TOX4: variants seen among roughly 807,000 people sequenced by gnomAD.
The protein encoded by TOX4 is TOX high mobility group box family member 4, also known as epidermal Langerhans cell protein LCP1.
A neutral mutation model predicts 61.0 loss-of-function variants in TOX4; 12 were observed. That is an observed-to-expected ratio of 0.20 (90% CI 0.13 to 0.32). The LOEUF (loss-of-function observed/expected upper bound fraction) is 0.32, where lower values mean the gene tolerates loss of function less well. Among genes scored for constraint, TOX4 ranks in the 10% least tolerant of loss-of-function variants. TOX4 has a pLI of 1.00. For synonymous variants in TOX4, 268 were observed against 274.8 expected (o/e 0.98, Z 0.24); for missense variants, 499 against 753.3 (o/e 0.66, Z 3.95).
intron 5 of TOX4, among the ~76,000 whole-genome samples, chr14:21,490,506 T>A (rs148723993): frequency 6.6e-6 from 1 of 152,132 alleles, no homozygotes; most frequent in Non-Finnish European, 1.5e-5. Context: ...ACAGAAGTAC[T>A]GCATCTTTAC....
Position 21,480,109 on chromosome 14 carries a change from A to G in TOX4, c.75+2545A>G, listed in dbSNP as rs538996136. Among the ~76,000 whole-genome samples, 9 of 152,332 alleles carry G rather than the reference A, an allele frequency of 5.9e-5. 1 individual carries two copies. In the East Asian group the frequency reaches 1.7e-3, roughly 29 times the overall value. ...TGGCCTCCCAAAGTACTAGTATTGT[A>G]GGTGTGAGCCACCATGCCAGGACAG... On this transcript the variant is annotated intron_variant, in intron 2 of 8. Coordinates refer to ENST00000448790, the MANE Select transcript of TOX4 (RefSeq NM_014828.4).
intron 5 of TOX4, among the ~76,000 whole-genome samples, chr14:21,491,910 C>CT (rs1373912216): frequency 5.9e-5 from 9 of 151,680 alleles, no homozygotes; most frequent in Non-Finnish European, 1.3e-4. Flanking sequence ...ACTCAGGAGG[C>CT]TGAAGCAGGA....
intron 2 of TOX4, among the ~76,000 whole-genome samples, chr14:21,478,005 C>T (rs1229139354): frequency 6.6e-6 from 1 of 152,154 alleles, no homozygotes; most frequent in African/African-American, 2.4e-5. Context: ...GGTGCGATCT[C>T]GGCTCACTGC....
At position 21,488,831 on chromosome 14, in the gene TOX4, G is replaced by A; in HGVS notation, c.560G>A (p.Gly187Asp). Residue 187 changes from glycine to aspartate, a missense_variant, in exon 4 of 9, where the codon GGT (glycine) becomes GAT (aspartate). By Grantham distance (94) the Gly-to-Asp change is moderately conservative. Around this residue, in one of 7 missense-constraint regions of TOX4, gnomAD observed 61 missense variants for 76.1 expected, o/e 0.80. Coordinates refer to ENST00000448790, the MANE Select transcript of TOX4 (RefSeq NM_014828.4). ...PSPTSSLHED[G>D]VEDFRRQLPS... Reference sequence around the variant, plus strand: ...CCTACTAGTTCACTTCACGAGGATGGTGTTGAGGATTTCCGGAGGGTGAGG... The same window carrying A: ...CCTACTAGTTCACTTCACGAGGATGATGTTGAGGATTTCCGGAGGGTGAGG... 1.2e-6 allele frequency: 2 copies of A among 1,614,004 alleles called. No homozygotes were observed. Among genetic ancestry groups the A allele is most frequent in the South Asian group, 2.2e-5 (2 of 91,078 alleles).
rs756451234 is a variant in TOX4 at position 21,492,520 on chromosome 14, A to G, written c.904A>G (p.Thr302Ala). The G allele has an allele frequency of 4.3e-6, 7 of 1,613,814 alleles. No individual in the cohort carries two copies. In the South Asian group the frequency reaches 6.6e-5, roughly 15 times the overall value. The change falls in exon 7 of 9, where the codon ACA becomes GCA. Residue 302 changes from threonine (T) to alanine (A), a missense_variant. Physicochemically the swap from Thr to Ala is moderately conservative, Grantham distance 58. Transcript: ENST00000448790. ...TGTCTTCTTTTAGGCCACTGTGGAAACAGTGGAATTGGATCCAGCACCACC... is the reference window on the plus strand; with the variant it reads ...TGTCTTCTTTTAGGCCACTGTGGAAGCAGTGGAATTGGATCCAGCACCACC... ...DNQECQATVE[T>A]VELDPAPPSQ...
chr14:21,492,472 TGATTAATTGATA>T (rs1289411859), intron 6 of TOX4, 24 bp from the exon 7 acceptor site: 1 of 1,610,460 alleles, frequency 6.2e-7, no homozygotes, highest in Non-Finnish European at 8.5e-7. Flanking sequence ...ACCAAGTGAT[TGATTAATTGATA>T]GATTGATTTA....
chr14:21,477,232 C>T lies in TOX4; in HGVS notation c.-47C>T. On this transcript the variant is annotated 5_prime_UTR_variant, in exon 1 of 9. Coordinates refer to ENST00000448790, the MANE Select transcript of TOX4 (RefSeq NM_014828.4). ...ACGGCAGTTCCGAGTCCAGTGGGGG[C>T]GGTGGGAGCGATGAGGGTCTGAGAC... is the stretch of plus-strand genomic sequence containing the variant. 3 of 1,613,718 alleles carry T rather than the reference C, an allele frequency of 1.9e-6. No homozygotes were observed. The highest frequency in any genetic ancestry group is 1.3e-5 in the African/African-American group (1 of 75,002).
Position 21,498,945 on chromosome 14 carries a change from A to G in TOX4, c.*2339A>G. 1 of 954,678 alleles carries G rather than the reference A, an allele frequency of 1.0e-6. No homozygotes were observed. Among genetic ancestry groups the G allele is most frequent in the South Asian group, 1.3e-5 (1 of 74,338 alleles). 59.1% of individuals were successfully genotyped at this position (954,678 alleles called of 1,614,324 possible). A position where few individuals can be genotyped will look rare whatever the true frequency, so the allele number is the denominator to read the frequency against. On this transcript the variant is annotated 3_prime_UTR_variant, in exon 9 of 9. Coordinates refer to ENST00000448790, the MANE Select transcript of TOX4 (RefSeq NM_014828.4). ...GCTCATTTATGGACTAGTGTAAAACAATGTGAAGCTCTACTAAGTTCTGTC... is the reference window on the plus strand; with the variant it reads ...GCTCATTTATGGACTAGTGTAAAACGATGTGAAGCTCTACTAAGTTCTGTC...
rs777838677 is a variant in TOX4, at chr14:21,487,558, C to G, written c.183C>G (p.Asp61Glu). Residue 61 changes from aspartate (D) to glutamate (E), a missense_variant, in exon 3 of 9, where the codon GAC (aspartate) becomes GAG (glutamate). Physicochemically the swap from Asp to Glu is conservative, Grantham distance 45. Around this residue, in one of 7 missense-constraint regions of TOX4, gnomAD observed 90 missense variants for 109.5 expected, o/e 0.82. Transcript: ENST00000448790. Reference protein sequence around the residue: ...AVSDVVGHFDDLADPSSSQDG... With the variant: ...AVSDVVGHFDELADPSSSQDG... ...CAGATGTGGTTGGCCACTTTGATGA[C>G]CTGGCAGACCCTTCCTCTTCACAGG... 6.2e-7 allele frequency: 1 copy of G among 1,614,196 alleles called. No homozygotes were observed. The highest frequency in any genetic ancestry group is 1.1e-5 in the South Asian group (1 of 91,084).
intron 2 of TOX4, among the ~76,000 whole-genome samples, chr14:21,482,116 G>A (rs1228645622): frequency 1.3e-5 from 2 of 152,138 alleles, no homozygotes; most frequent in Admixed American, 1.3e-4. Context: ...TGCCTGAGGC[G>A]GAAAGTTCTA....
chr14:21,496,694 A>T lies in TOX4; in HGVS notation c.*88A>T. ...TTGAAACACAAGCTGGGCTTCTGGT[A>T]GTGCCTCATCACAACCCATGATGGC... On this transcript the variant is annotated 3_prime_UTR_variant, in exon 9 of 9. Coordinates refer to ENST00000448790, the MANE Select transcript of TOX4 (RefSeq NM_014828.4). The T allele has an allele frequency of 3.4e-6, 4 of 1,183,594 alleles. No individual in the cohort carries two copies. The highest frequency in any genetic ancestry group is 2.4e-5 in the East Asian group (1 of 42,450). 73.3% of individuals were successfully genotyped at this position (1,183,594 alleles called of 1,614,324 possible).
chr14:21,496,422 G>A (rs574568028), intron 8 of TOX4, 124 bp from the exon 9 acceptor site: 310 of 766,652 alleles, frequency 4.0e-4, no homozygotes, highest in Non-Finnish European at 6.0e-4. Context: ...AGCTACTCGG[G>A]AGGCTAAGGC....
chr14:21,478,605 G>A (rs904313397), intron 2 of TOX4, among the ~76,000 whole-genome samples: 2 of 152,168 alleles, frequency 1.3e-5, no homozygotes, highest in African/African-American at 2.4e-5. Context: ...AAAAATTTCT[G>A]TCTTTGAGAA....
At chr14:21,487,762 C>T in intron 3 of TOX4, 69 bp downstream of exon 3, 2 of 1,511,584 alleles carry the variant, frequency 1.3e-6, no homozygotes, top group South Asian at 1.3e-5. Flanking sequence ...CAAAGTTACT[C>T]TATTCCCTGC....
intron 2 of TOX4, among the ~76,000 whole-genome samples, chr14:21,481,900 G>A (rs1473067040): frequency 6.6e-6 from 1 of 152,166 alleles, no homozygotes; most frequent in East Asian, 1.9e-4. Flanking sequence ...AGTGATACCA[G>A]TTGTGAAGGG....
At chr14:21,486,203 ATT>A (rs1891188655) in intron 2 of TOX4, among the ~76,000 whole-genome samples, 1 of 105,128 alleles carries the variant, frequency 9.5e-6, no homozygotes, top group Admixed American at 8.5e-5. Context: ...TAGGAACTCT[ATT>A]TAAAGAATGC....
At position 21,498,452 on chromosome 14, in the gene TOX4, A is replaced by C; in HGVS notation, c.*1846A>C. 7.7e-7 allele frequency: 1 copy of C among 1,306,528 alleles called. No homozygotes were observed. Among genetic ancestry groups the C allele is most frequent in the Non-Finnish European group, 1.1e-6 (1 of 914,408 alleles). The allele number at this position is 1,306,528 out of a possible 1,614,324, so 80.9% of individuals were successfully genotyped here. On this transcript the variant is annotated 3_prime_UTR_variant, in exon 9 of 9. Coordinates refer to ENST00000448790, the MANE Select transcript of TOX4 (RefSeq NM_014828.4). ...TTGTTAAAAAATGCATACCAAATGAAGACTGCCTATCATCATATCAAATAT... is the reference window on the plus strand; with the variant it reads ...TTGTTAAAAAATGCATACCAAATGACGACTGCCTATCATCATATCAAATAT...
chr14:21,492,983 C>T lies in TOX4; in HGVS notation c.1367C>T (p.Thr456Ile). ...TTACAACAGATGCCACAGCCCCCGA[C>T]TCAGCAGCAAGTTACCATTCTGCAG... is the stretch of plus-strand genomic sequence containing the variant. ...PPLQQMPQPP[T>I]QQQVTILQQP... Residue 456 changes from threonine to isoleucine, a missense_variant, in exon 7 of 9, where the codon ACT (threonine) becomes ATT (isoleucine). Thr to Ile is a moderately conservative substitution (Grantham distance 89). Around this residue, in one of 7 missense-constraint regions of TOX4, gnomAD observed 296 missense variants for 404.7 expected, o/e 0.73. Coordinates refer to ENST00000448790, the MANE Select transcript of TOX4 (RefSeq NM_014828.4). 1.2e-6 allele frequency: 2 copies of T among 1,612,990 alleles called. No homozygotes were observed. Among genetic ancestry groups the T allele is most frequent in the Non-Finnish European group, 1.7e-6 (2 of 1,179,398 alleles).
At chr14:21,492,400 A>C in intron 6 of TOX4, 24 bp downstream of exon 6, 2 of 1,612,606 alleles carry the variant, frequency 1.2e-6, no homozygotes, top group Non-Finnish European at 1.7e-6. Flanking sequence ...GATAGAATGA[A>C]TATTTAAACC....
Sources: allele counts gnomAD v4.1 joint callset (sites outside exome capture counted in the v4.1 genomes callset), GRCh38; gene constraint gnomAD v4.1.1; regional missense constraint gnomAD v4.1.1; transcripts MANE v1.5; gene names NCBI Gene and HGNC (gene_info 2026-07-23, HGNC 2026-07-21).